The following ATP6V0A4 variants were observed in gnomAD, a reference collection of about 807,000 sequenced individuals.
The protein encoded by ATP6V0A4 is V-type proton ATPase 116 kDa subunit a 4.
ATP6V0A4 carries 86 observed loss-of-function variants against 107.3 expected under a neutral mutation model. The ratio of observed to expected loss-of-function variants is 0.80; its 90% CI spans 0.67 to 0.96. ATP6V0A4 has a LOEUF of 0.96. ATP6V0A4 is among the 40% of genes least tolerant of loss of function. The pLI is 0.00. For missense variants in ATP6V0A4, 908 were observed against 1,045.6 expected (o/e 0.87, Z 1.81); for synonymous variants, 353 against 381.4 (o/e 0.93, Z 0.87).
At chr7:138,709,582 T>C (rs750433649) in intron 21 of ATP6V0A4, 42 bp downstream of exon 21, 15 of 1,599,034 alleles carry the variant, frequency 9.4e-6, no homozygotes, top group Non-Finnish European at 1.3e-5. Context: ...CCACTCCCTT[T>C]CCCAACACCA....
At chr7:138,775,371 G>A (rs975105178) in intron 2 of ATP6V0A4, among the ~76,000 whole-genome samples, 12 of 151,890 alleles carry the variant, frequency 7.9e-5, no homozygotes, top group African/African-American at 1.5e-4. Flanking sequence ...TCTTTTATAC[G>A]CACATATACA....
At chr7:138,760,212 G>T (rs185761736) in intron 7 of ATP6V0A4, among the ~76,000 whole-genome samples, 5 of 152,142 alleles carry the variant, frequency 3.3e-5, no homozygotes, top group African/African-American at 9.7e-5. Context: ...GGGAGGCTGA[G>T]GCGGGCGGAT....
At chr7:138,763,706 C>A (rs368184521) in intron 5 of ATP6V0A4, among the ~76,000 whole-genome samples, 5 of 151,526 alleles carry the variant, frequency 3.3e-5, no homozygotes, top group African/African-American at 1.2e-4. Flanking sequence ...AAATGATGGG[C>A]CAGGCACGGT....
chr7:138,714,490 G>A (rs913061806), intron 20 of ATP6V0A4, among the ~76,000 whole-genome samples: 7 of 152,074 alleles, frequency 4.6e-5, no homozygotes, highest in African/African-American at 1.7e-4. Flanking sequence ...AGGATCCCTT[G>A]AGGCCAGGAG....
rs528971104 is a variant in ATP6V0A4, at chr7:138,726,274, C to T, written c.2010+2487G>A. On this transcript the variant is annotated intron_variant, in intron 18 of 21. Transcript: ENST00000310018. Reference sequence around the variant, plus strand: ...AAAGTGCTGGGATTACAGGCGTGAGCCACCGTGCCCGGCCGAAGATTTTAA... The same window carrying T: ...AAAGTGCTGGGATTACAGGCGTGAGTCACCGTGCCCGGCCGAAGATTTTAA... Among the ~76,000 whole-genome samples, 435 of 152,354 alleles carry T rather than the reference C, an allele frequency of 2.9e-3. 3 individuals carry two copies. The highest frequency in any genetic ancestry group is 9.9e-3 in the African/African-American group (412 of 41,582).
intron 20 of ATP6V0A4, among the ~76,000 whole-genome samples, chr7:138,713,123 T>C (rs898318783): frequency 4.0e-5 from 6 of 149,752 alleles, no homozygotes; most frequent in Non-Finnish European, 5.9e-5. Context: ...ACCCCGTCTC[T>C]ACTGAAAATA....
intron 2 of ATP6V0A4, among the ~76,000 whole-genome samples, chr7:138,784,257 T>TATACATATATATATAC (rs1808065464): frequency 3.0e-5 from 1 of 32,838 alleles, no homozygotes; most frequent in African/African-American, 9.9e-5. Flanking sequence ...TATATACATA[T>TATACATATATATATAC]ATATATATAC....
rs372224946 is a variant in ATP6V0A4, at chr7:138,771,390, T to C, written c.-17-126A>G. 102 of 1,153,406 alleles carry C rather than the reference T, an allele frequency of 8.8e-5. 3 individuals are homozygous for C. Among genetic ancestry groups the C allele is most frequent in the East Asian group, 8.7e-4 (33 of 37,770 alleles). 71.4% of individuals were successfully genotyped at this position (1,153,406 alleles called of 1,614,324 possible). On this transcript the variant is annotated intron_variant, in intron 2 of 21. Transcript: ENST00000310018. ...AAAATCCATTAGGAATCACTTCTGA[T>C]TTTAGGAGACTTTTTTTTTTTTTTT... is the stretch of plus-strand genomic sequence containing the variant.
chr7:138,796,782 G>T (rs904604286), intron 1 of ATP6V0A4, among the ~76,000 whole-genome samples: 3 of 122,362 alleles, frequency 2.5e-5, no homozygotes, highest in Non-Finnish European at 5.7e-5. Context: ...TTCCGGGTTT[G>T]GTTCCCTGCT....
At chr7:138,757,802 T>C (rs1009085129) in intron 8 of ATP6V0A4, among the ~76,000 whole-genome samples, 18 of 152,174 alleles carry the variant, frequency 1.2e-4, no homozygotes, top group African/African-American at 4.1e-4. Context: ...AGAAATAAAG[T>C]GTCCAAAATA....
At chr7:138,791,607 AAGCCCCAGTG>A (rs1197599382) in intron 1 of ATP6V0A4, among the ~76,000 whole-genome samples, 1 of 152,262 alleles carries the variant, frequency 6.6e-6, no homozygotes, top group Non-Finnish European at 1.5e-5. Flanking sequence ...ATCTGCAATG[AAGCCCCAGTG>A]AGGTGGACAG....
rs182120862 is a variant in ATP6V0A4, at chr7:138,768,861, G to A, written c.210C>T (p.Asp70=). 1.5e-5 allele frequency: 24 copies of A among 1,614,056 alleles called. No individual in the cohort carries two copies. The highest frequency in any genetic ancestry group is 4.4e-5 in the South Asian group (4 of 91,080). ...SLERILRFLE[D]EMQNEIVVQL... is the part of the protein sequence containing the mutation. The stretch of plus-strand genomic sequence containing the variant: ...GAACTACAATCTCATTTTGCATCTC[G>A]TCTTCCAGAAAACCTGAAGAATGAA... Residue 70 remains aspartate, a synonymous_variant, in exon 5 of 22, where the codon GAC becomes GAT. Transcript: ENST00000310018.
chr7:138,734,777 CAAAAAAA>C (rs528307650), intron 15 of ATP6V0A4, among the ~76,000 whole-genome samples: 3 of 108,976 alleles, frequency 2.8e-5, no homozygotes, highest in Admixed American at 1.0e-4. Flanking sequence ...GACTCTGTCT[CAAAAAAA>C]AAAAAAAAAA....
chr7:138,762,413 C>T lies in ATP6V0A4; in HGVS notation c.439G>A (p.Asp147Asn), dbSNP rs761968599. Residue 147 changes from aspartate (D) to asparagine (N), a missense_variant, in exon 7 of 22, where the codon GAT becomes AAT. Coordinates refer to ENST00000310018, the MANE Select transcript of ATP6V0A4 (RefSeq NM_020632.3). ...FFETETNLADDFFTEDTSGLL... is the reference protein window; with the variant it reads ...FFETETNLADNFFTEDTSGLL... ...CCAGAAGTGTCCTCAGTAAAGAAAT[C>T]ATCAGCTAAATTGGTTTCCGTCTGA... is the stretch of plus-strand genomic sequence containing the variant. 10 of 1,614,054 alleles carry T rather than the reference C, an allele frequency of 6.2e-6. No homozygotes were observed. In the Admixed American group the frequency reaches 1.3e-4, roughly 22 times the overall value.
At chr7:138,755,392 C>T (rs549195303) in intron 10 of ATP6V0A4, among the ~76,000 whole-genome samples, 1 of 152,296 alleles carries the variant, frequency 6.6e-6, no homozygotes, top group Admixed American at 6.5e-5. Flanking sequence ...TCCGTCTAGG[C>T]CGAGGCTGGC....
At chr7:138,712,778 C>T (rs969448040) in intron 20 of ATP6V0A4, among the ~76,000 whole-genome samples, 1 of 151,996 alleles carries the variant, frequency 6.6e-6, no homozygotes, top group African/African-American at 2.4e-5. Flanking sequence ...GGCCAGAGGA[C>T]ACCCCGACAC....
intron 19 of ATP6V0A4, among the ~76,000 whole-genome samples, chr7:138,718,492 G>C (rs1205361295): frequency 1.5e-5 from 2 of 136,776 alleles, no homozygotes; most frequent in Admixed American, 7.3e-5. Flanking sequence ...GTGCAGTCAC[G>C]GAGGTCTGCG....
intron 14 of ATP6V0A4, among the ~76,000 whole-genome samples, chr7:138,741,216 G>T (rs964173544): frequency 6.6e-6 from 1 of 152,154 alleles, no homozygotes; most frequent in Non-Finnish European, 1.5e-5. Context: ...TTGACAGGCT[G>T]CCCAGAAATA....
intron 14 of ATP6V0A4, among the ~76,000 whole-genome samples, chr7:138,743,837 T>C (rs1805764548): frequency 6.6e-6 from 1 of 152,178 alleles, no homozygotes; most frequent in Non-Finnish European, 1.5e-5. Context: ...TGTGGGAATC[T>C]CAGGTACGTG....
Sources: allele counts gnomAD v4.1 joint callset (sites outside exome capture counted in the v4.1 genomes callset), GRCh38; gene constraint gnomAD v4.1.1; transcripts MANE v1.5; gene names NCBI Gene and HGNC (gene_info 2026-07-23, HGNC 2026-07-21).